The following KLHL5 variants were observed in gnomAD, a reference collection of about 807,000 sequenced individuals.
KLHL5 encodes kelch like family member 5.
KLHL5 carries 48 observed loss-of-function variants against 77.7 expected under a neutral mutation model. That is an observed-to-expected ratio of 0.62 (90% CI 0.49 to 0.79). The LOEUF (loss-of-function observed/expected upper bound fraction) is 0.79, where lower values mean the gene tolerates loss of function less well. KLHL5 is among the 30% of genes least tolerant of loss of function. The probability of loss-of-function intolerance (pLI) is 0.00; values close to 1 mark genes in which losing one functional copy is unlikely to be tolerated. For synonymous variants in KLHL5, 260 were observed against 297.0 expected (o/e 0.88, Z 1.28); for missense variants, 723 against 859.7 (o/e 0.84, Z 1.99).
chr4:39,132,235 C>T, the KLHL5 span, among the ~76,000 whole-genome samples: 16 of 152,102 alleles, frequency 1.1e-4, no homozygotes, highest in Non-Finnish European at 2.2e-4. Flanking sequence ...CCAGTCTCCC[C>T]GGAAAGCTGC....
intron 2 of KLHL5, among the ~76,000 whole-genome samples, chr4:39,079,860 T>C (rs1354194343): frequency 6.6e-6 from 1 of 152,222 alleles, no homozygotes; most frequent in Non-Finnish European, 1.5e-5. Context: ...TGGGCAGTTT[T>C]CTGAAGAAGC....
downstream of KLHL5, chr4:39,126,631 G>T: frequency 2.3e-6 from 1 of 431,918 alleles, no homozygotes; most frequent in Non-Finnish European, 4.6e-6. Context: ...CTTTGCCCAG[G>T]TTCAAGCTGG....
At chr4:39,096,912 C>T in intron 6 of KLHL5, 34 bp downstream of exon 6, 1 of 1,532,208 alleles carries the variant, frequency 6.5e-7, no homozygotes, top group African/African-American at 1.4e-5. Flanking sequence ...GGAGGGAGGA[C>T]CAGAGAAAAA....
chr4:39,048,158 G>T (rs147718139), intron 1 of KLHL5, among the ~76,000 whole-genome samples: 2 of 152,280 alleles, frequency 1.3e-5, no homozygotes, highest in Admixed American at 1.3e-4. Flanking sequence ...GGAAGGCAAG[G>T]AATTGCACCT....
rs145829321 is a variant in KLHL5 at position 39,115,716 on chromosome 4, A to G, written c.2073+386A>G. The G allele has an allele frequency of 1.1e-4, 129 of 1,169,864 alleles. No individual in the cohort carries two copies. The African/African-American group carries it at 1.9e-3, about 17-fold the overall frequency. 72.5% of individuals were successfully genotyped at this position (1,169,864 alleles called of 1,614,324 possible). On this transcript the variant is annotated intron_variant, in intron 10 of 10. Transcript: ENST00000504108. ...CCCATGTGTGAGCAGTCGGATTTTT[A>G]AATACTCAACCCATTGATATCTGGG...
chr4:39,115,574 A>T, intron 10 of KLHL5: 6 of 1,448,412 alleles, frequency 4.1e-6, no homozygotes, highest in Non-Finnish European at 5.4e-6. Flanking sequence ...TACCACTTGC[A>T]TGATGAAGTG....
chr4:39,059,174 T>G (rs1717205027), upstream of KLHL5, among the ~76,000 whole-genome samples: 1 of 152,206 alleles, frequency 6.6e-6, no homozygotes, highest in Middle Eastern at 3.2e-3. Flanking sequence ...AAAAAAGTGT[T>G]ATTTAAGTGA....
rs947248174 is a variant in KLHL5, at chr4:39,096,879, G to A, written c.1300+1G>A. 2 of 1,607,860 alleles carry A rather than the reference G, an allele frequency of 1.2e-6. No homozygotes were observed. Among genetic ancestry groups the A allele is most frequent in the Non-Finnish European group, 1.7e-6 (2 of 1,174,744 alleles). On this transcript the variant is annotated splice_donor_variant, in intron 6 of 10. Transcript: ENST00000504108. LOFTEE classifies it high-confidence loss of function. The stretch of plus-strand genomic sequence containing the variant: ...GTTGGGGGAATGGATTCAACAAAAG[G>A]TATCAAATAATCTTTTATTTGGGGA...
At position 39,125,011 on chromosome 4, in the gene KLHL5, A is replaced by G. The variant is rs1186738490; in HGVS notation, c.*3945A>G. Among the ~76,000 whole-genome samples, 1 of 152,164 alleles carries G rather than the reference A, an allele frequency of 6.6e-6. No individual in the cohort carries two copies. Among genetic ancestry groups the G allele is most frequent in the Non-Finnish European group, 1.5e-5 (1 of 68,032 alleles). ...CAATTTTAAAATGGGCAAAGGACTT[A>G]AATAGACATTTCTCTAATGAAGATA... On this transcript the variant is annotated 3_prime_UTR_variant, in exon 11 of 11. Transcript: ENST00000504108.
At chr4:39,047,441 T>C (rs1456058216) in intron 1 of KLHL5, among the ~76,000 whole-genome samples, 2 of 152,154 alleles carry the variant, frequency 1.3e-5, no homozygotes, top group Non-Finnish European at 2.9e-5. Context: ...AGATGAGTTA[T>C]CTATTCTTCA....
intron 10 of KLHL5, chr4:39,115,582 G>T (rs1722777576): frequency 6.9e-7 from 1 of 1,446,124 alleles, no homozygotes; most frequent in African/African-American, 1.4e-5. Context: ...GCATGATGAA[G>T]TGTTCTAGCC....
the KLHL5 span, among the ~76,000 whole-genome samples, chr4:39,140,488 A>G: frequency 6.6e-6 from 1 of 152,194 alleles, no homozygotes; most frequent in African/African-American, 2.4e-5. Flanking sequence ...AGTTCAGGGG[A>G]AAAGGTTTAT....
intron 1 of KLHL5, among the ~76,000 whole-genome samples, chr4:39,048,274 G>A (rs1311683065): frequency 1.3e-5 from 2 of 152,128 alleles, no homozygotes; most frequent in Admixed American, 1.3e-4. Flanking sequence ...TCTTGTGTTC[G>A]GATGATGAGT....
chr4:39,076,303 C>T (rs191216055), intron 2 of KLHL5, among the ~76,000 whole-genome samples, 156 bp downstream of exon 2: 42 of 152,276 alleles, frequency 2.8e-4, no homozygotes, highest in Admixed American at 5.9e-4. Context: ...GAAATTATTA[C>T]ACATTTGGTG....
At chr4:39,091,704 T>A (rs1376499403) in intron 5 of KLHL5, among the ~76,000 whole-genome samples, 2 of 150,950 alleles carry the variant, frequency 1.3e-5, no homozygotes, top group East Asian at 3.9e-4. Context: ...AGGGTCTCAC[T>A]CTGTCACCCA....
At chr4:39,098,897 A>T (rs1721311222) in intron 6 of KLHL5, among the ~76,000 whole-genome samples, 1 of 152,304 alleles carries the variant, frequency 6.6e-6, no homozygotes, top group South Asian at 2.1e-4. Flanking sequence ...AGGAAAAAAA[A>T]AATACCTACA....
intron 5 of KLHL5, 98 bp downstream of exon 5, chr4:39,086,825 A>C: frequency 1.2e-6 from 1 of 842,656 alleles, no homozygotes; most frequent in Non-Finnish European, 1.9e-6. Flanking sequence ...AGGTGAAAAG[A>C]TAGTGAGCTA....
At chr4:39,078,796 T>C (rs1560418777) in intron 2 of KLHL5, among the ~76,000 whole-genome samples, 2 of 152,234 alleles carry the variant, frequency 1.3e-5, no homozygotes, top group East Asian at 1.9e-4. Context: ...TTGGGTACAG[T>C]GTACTCTGCT....
At chr4:39,068,421 C>T (rs1718098342) in intron 1 of KLHL5, among the ~76,000 whole-genome samples, 1 of 143,196 alleles carries the variant, frequency 7.0e-6, no homozygotes, top group Non-Finnish European at 1.5e-5. Context: ...GCTATGTAAC[C>T]TCTCCCCAGA....
Sources: gnomAD v4.1 joint callset for allele counts (sites outside exome capture counted in the v4.1 genomes callset) on GRCh38, gnomAD v4.1.1 for gene constraint, MANE v1.5 for transcripts, NCBI Gene and HGNC (gene_info 2026-07-23, HGNC 2026-07-21) for gene names.